The following SIRPD variants were observed in gnomAD, a reference collection of about 807,000 sequenced individuals.
SIRPD encodes the protein signal regulatory protein delta.
Under a neutral mutation model 18.0 loss-of-function variants are expected in SIRPD, and 21 were observed. The observed-to-expected ratio is 1.17, with a 90% CI of 0.83 to 1.68. The LOEUF is 1.68. SIRPD is among the 40% of genes most tolerant of loss of function. The pLI is 0.00. For missense variants in SIRPD, 295 were observed against 238.4 expected (o/e 1.24, Z -1.56); for synonymous variants, 106 against 92.9 (o/e 1.14, Z -0.81).
Position 1,552,001 on chromosome 20 carries a change from C to G in SIRPD, c.111G>C (p.Met37Ile), listed in dbSNP as rs777489596. 3 of 1,613,970 alleles carry G rather than the reference C, an allele frequency of 1.9e-6. No homozygotes were observed. The highest frequency in any genetic ancestry group is 8.5e-7 in the Non-Finnish European group (1 of 1,179,918). ...ACTCCCCAGTTGATACAGTCTGTGA[C>G]ATCTCCGTTTGTTGCACATGGAACA... ...THVFHVQQTE[M>I]SQTVSTGESI... The change falls in exon 2 of 4, where the codon ATG becomes ATC. Residue 37 changes from methionine (M) to isoleucine (I), a missense_variant. Met to Ile is a conservative substitution (Grantham distance 10, BLOSUM62 1). Transcript: ENST00000381623.
chr20:1,544,438 CTTT>C (rs57088454), intron 2 of SIRPD, among the ~76,000 whole-genome samples: 123 of 139,982 alleles, frequency 8.8e-4, no homozygotes, highest in East Asian at 1.0e-3. Flanking sequence ...GCAACAACTG[CTTT>C]TTTTTTTTTT....
chr20:1,552,106 T>C (rs1026489588), intron 1 of SIRPD, 68 bp from the exon 2 acceptor site: 1 of 1,296,610 alleles, frequency 7.7e-7, no homozygotes, highest in Non-Finnish European at 1.1e-6. Flanking sequence ...CGGGTCACGG[T>C]TGGGCCTCAT....
intron 1 of SIRPD, among the ~76,000 whole-genome samples, chr20:1,556,833 G>A (rs186631079): frequency 5.4e-4 from 82 of 152,296 alleles, no homozygotes; most frequent in African/African-American, 1.7e-3. Flanking sequence ...TGAATATCTA[G>A]TCTCCAGACC....
chr20:1,551,148 A>C, intron 2 of SIRPD, among the ~76,000 whole-genome samples: 1 of 152,208 alleles, frequency 6.6e-6, no homozygotes, highest in East Asian at 1.9e-4. Context: ...GTGAGATTGG[A>C]ACAAGGAGCA....
intron 2 of SIRPD, chr20:1,540,202 C>A: frequency 2.3e-6 from 1 of 433,892 alleles, no homozygotes; most frequent in Non-Finnish European, 4.6e-6. Context: ...GGGATGCTGG[C>A]AGCAAACCAG....
intron 3 of SIRPD, among the ~76,000 whole-genome samples, chr20:1,535,987 C>T (rs1038094629): frequency 5.3e-5 from 8 of 152,180 alleles, no homozygotes; most frequent in African/African-American, 1.9e-4. Context: ...CTAGGAAGCG[C>T]ACACCATTGC....
At chr20:1,551,665 G>A (rs1434789714) in intron 2 of SIRPD, 26 bp downstream of exon 2, 3 of 1,538,164 alleles carry the variant, frequency 2.0e-6, no homozygotes, top group Non-Finnish European at 2.7e-6. Flanking sequence ...ACACCAGGGG[G>A]TATGGGGTAT....
chr20:1,540,808 G>T (rs768687513), intron 2 of SIRPD, among the ~76,000 whole-genome samples: 4 of 152,030 alleles, frequency 2.6e-5, no homozygotes, highest in Admixed American at 6.5e-5. Context: ...CCACCCAACA[G>T]GCCTTGGTGT....
At chr20:1,545,932 G>T (rs763180776) in intron 2 of SIRPD, among the ~76,000 whole-genome samples, 2 of 152,130 alleles carry the variant, frequency 1.3e-5, no homozygotes, top group Non-Finnish European at 2.9e-5. Context: ...TGTTTTCGTG[G>T]GTATCACCAG....
chr20:1,537,155 C>G lies in SIRPD; in HGVS notation c.577G>C (p.Gly193Arg), dbSNP rs759688088. 3 of 1,613,558 alleles carry G rather than the reference C, an allele frequency of 1.9e-6. No individual in the cohort carries two copies. The South Asian group carries it at 3.3e-5, about 18-fold the overall frequency. ...GGTACCTGAGGGTGGGGGCACTCAC[C>G]TGTGAGTCCCAGCAGCCGGAGGCAG... ...CCCLRLLGLT[G>R]LLSK The change falls in exon 3 of 4, where the codon GGC (glycine) becomes CGC (arginine). Residue 193 changes from glycine to arginine, a missense_variant and splice_region_variant. Gly to Arg is a moderately radical substitution (Grantham distance 125, BLOSUM62 -2). Coordinates refer to ENST00000381623, the MANE Select transcript of SIRPD (RefSeq NM_178460.3).
intron 2 of SIRPD, among the ~76,000 whole-genome samples, chr20:1,542,674 T>C (rs1338439130): frequency 1.3e-5 from 2 of 152,240 alleles, no homozygotes; most frequent in Non-Finnish European, 2.9e-5. Flanking sequence ...TCCCATACTA[T>C]GTTGAATAGA....
At chr20:1,544,520 T>G (rs1292406372) in intron 2 of SIRPD, among the ~76,000 whole-genome samples, 1 of 152,082 alleles carries the variant, frequency 6.6e-6, no homozygotes, top group African/African-American at 2.4e-5. Context: ...TCTTTTCATG[T>G]GAGATGGGTC....
At chr20:1,536,506 C>T (rs532745561) in intron 3 of SIRPD, among the ~76,000 whole-genome samples, 2 of 150,656 alleles carry the variant, frequency 1.3e-5, no homozygotes, top group South Asian at 4.3e-4. Context: ...CCTCTCCTGA[C>T]TGTGCAGATC....
intron 2 of SIRPD, 73 bp from the exon 3 acceptor site, chr20:1,537,383 G>A (rs971156687): frequency 1.8e-5 from 27 of 1,471,834 alleles, no homozygotes; most frequent in Non-Finnish European, 2.2e-5. Flanking sequence ...AAGGGCTGTA[G>A]GATTATGACC....
chr20:1,557,404 C>T lies in SIRPD; in HGVS notation c.73+177G>A, dbSNP rs549405141. On this transcript the variant is annotated intron_variant, in intron 1 of 3. Coordinates refer to ENST00000381623, the MANE Select transcript of SIRPD (RefSeq NM_178460.3). ...AGAGATTTGCAACAGACATGGCCAC[C>T]GGGAGACTTTGTCAGAATTGGGGAC... is the stretch of plus-strand genomic sequence containing the variant. Among the ~76,000 whole-genome samples, 287 of 152,168 alleles carry T rather than the reference C, an allele frequency of 1.9e-3. 1 individual carries two copies. Among genetic ancestry groups the T allele is most frequent in the Non-Finnish European group, 2.3e-3 (158 of 68,024 alleles).
intron 2 of SIRPD, among the ~76,000 whole-genome samples, chr20:1,546,356 T>C (rs2090993705): frequency 1.3e-5 from 2 of 152,226 alleles, no homozygotes; most frequent in African/African-American, 4.8e-5. Flanking sequence ...TGACCTTTTG[T>C]GATTTTATTC....
At chr20:1,549,432 A>C (rs2091008631) in intron 2 of SIRPD, among the ~76,000 whole-genome samples, 2 of 149,976 alleles carry the variant, frequency 1.3e-5, no homozygotes, top group African/African-American at 2.5e-5. Flanking sequence ...TGCATGTCTC[A>C]CTTTTTTTGA....
chr20:1,543,116 G>A (rs2090979355), intron 2 of SIRPD, among the ~76,000 whole-genome samples: 1 of 152,206 alleles, frequency 6.6e-6, no homozygotes, highest in Non-Finnish European at 1.5e-5. Context: ...GTCTCTGCCA[G>A]GTTTTGGTAT....
rs73569169 is a variant in SIRPD, at chr20:1,550,082, C to G, written c.421+1609G>C. ...ACTAAGAAGGAGGCAAAGCCATAAA[C>G]CCAAAGGGTTCCGAGAAGAGTCTAC... On this transcript the variant is annotated intron_variant, in intron 2 of 3. Coordinates refer to ENST00000381623, the MANE Select transcript of SIRPD (RefSeq NM_178460.3). Among the ~76,000 whole-genome samples the G allele has an allele frequency of 9.1e-3, 1,391 of 152,252 alleles. 22 individuals are homozygous for G. Among genetic ancestry groups the G allele is most frequent in the African/African-American group, 0.033 (1,357 of 41,542 alleles).
Sources: gnomAD v4.1 joint callset for allele counts (sites outside exome capture counted in the v4.1 genomes callset) on GRCh38, gnomAD v4.1.1 for gene constraint, MANE v1.5 for transcripts, NCBI Gene and HGNC (gene_info 2026-07-23, HGNC 2026-07-21) for gene names.